Variants in TTN observed in about 807,000 individuals in gnomAD.
The protein encoded by TTN is connectin.
TTN carries 1,525 observed loss-of-function variants against 3,223.0 expected under a neutral mutation model. That is an observed-to-expected ratio of 0.47 (90% confidence interval 0.45 to 0.49). TTN has a LOEUF of 0.49. Among genes scored for constraint, TTN ranks in the 20% least tolerant of loss-of-function variants. The pLI, the probability that TTN is intolerant of heterozygous loss-of-function variation, is 0.00. For missense variants in TTN, 40,786 were observed against 43,424.0 expected, an observed-to-expected ratio of 0.94 and a Z score of 5.40; for synonymous variants, 14,094 against 15,161.0, an observed-to-expected ratio of 0.93 and a Z score of 5.17.
At chr2:178,582,768 G>A (rs377477259) in intron 313 of TTN, 172 bp downstream of exon 313, 2 of 913,950 alleles carry the variant, frequency 2.2e-6, no homozygotes, top group East Asian at 2.9e-5. Flanking sequence ...TGAAATATGT[G>A]ATTTCTAAAG....
chr2:178,688,716 A>G lies in TTN; in HGVS notation c.32158T>C (p.Phe10720Leu). 2 of 1,613,910 alleles carry G rather than the reference A, an allele frequency of 1.2e-6. No homozygotes were observed. Among genetic ancestry groups the G allele is most frequent in the Non-Finnish European group, 1.7e-6 (2 of 1,179,784 alleles). ...KRFVAEEKLS[F>L]AVPQRVEVTR... is the part of the protein sequence containing the mutation. ...ACTTCCACTCTTTGAGGAACTGCGA[A>G]GGATAGTTTTTCTTCAGCAACAAAT... Residue 10720 changes from phenylalanine to leucine, a missense_variant, in exon 126 of 363, where the codon TTC (phenylalanine) becomes CTC (leucine). By Grantham distance (22) the Phe-to-Leu change is conservative (BLOSUM62 0). Transcript: ENST00000589042.
In TTN at chr2:178,595,781, G is replaced by A. The variant is rs1214033745; in HGVS notation, c.57573C>T (p.Phe19191=). 1 of 1,606,774 alleles carries A rather than the reference G, an allele frequency of 6.2e-7. No homozygotes were observed. Among genetic ancestry groups the A allele is most frequent in the East Asian group, 2.3e-5 (1 of 44,418 alleles). ...LDVPGPVGTP[F]LAHNLTNESC... ...ACTCATTGGTTAGGTTGTGAGCTAG[G>A]AATGGTGTTCCAACGGGACCTGGAA... The change falls in exon 295 of 363, where the codon TTC becomes TTT. Residue 19191 remains phenylalanine, a synonymous_variant. Coordinates refer to ENST00000589042, the MANE Select transcript of TTN (RefSeq NM_001267550.2).
At chr2:178,694,746 G>C in intron 116 of TTN, 70 bp from the exon 117 acceptor site, 1 of 1,489,052 alleles carries the variant, frequency 6.7e-7, no homozygotes, top group Non-Finnish European at 9.1e-7. Context: ...AAAAGTATTT[G>C]ATTATATAAA....
Position 178,578,640 on chromosome 2 carries a change from G to C in TTN, c.68300C>G (p.Pro22767Arg). The C allele has an allele frequency of 6.2e-7, 1 of 1,611,890 alleles. No individual in the cohort carries two copies. The highest frequency in any genetic ancestry group is 8.5e-7 in the Non-Finnish European group (1 of 1,178,986). ...HDSVSLTWTD[P>R]KKTGGSPITG... ...AATTGGAGAACCACCAGTTTTCTTG[G>C]GGTCAGTCCAAGTTAGAGATACTGA... is the stretch of plus-strand genomic sequence containing the variant. Residue 22767 changes from proline (P) to arginine (R), a missense_variant, in exon 321 of 363, where the codon CCC (proline) becomes CGC (arginine). Coordinates refer to ENST00000589042, the MANE Select transcript of TTN (RefSeq NM_001267550.2).
chr2:178,673,876 A>C (rs1049119299), intron 151 of TTN, among the ~76,000 whole-genome samples, 166 bp from the exon 152 acceptor site: 1 of 151,818 alleles, frequency 6.6e-6, no homozygotes, highest in Non-Finnish European at 1.5e-5. Context: ...GGTGTAAAGG[A>C]TATTACTTAG....
chr2:178,653,052 G>A lies in TTN; in HGVS notation c.38864C>T (p.Pro12955Leu). 1 of 1,613,296 alleles carries A rather than the reference G, an allele frequency of 6.2e-7. No homozygotes were observed. The highest frequency in any genetic ancestry group is 1.3e-5 in the African/African-American group (1 of 74,968). The change falls in exon 199 of 363, where the codon CCA becomes CTA. Residue 12955 changes from proline to leucine, a missense_variant. Transcript: ENST00000589042. ...CCAGTGACAAATACCTTTAACAGGTGGGACTTCAGGTTTTTTAGGAGGAGT... is the reference window on the plus strand; with the variant it reads ...CCAGTGACAAATACCTTTAACAGGTAGGACTTCAGGTTTTTTAGGAGGAGT... Reference protein sequence around the residue: ...PVTPPKKPEVPPVKVPEAPIE... With the variant: ...PVTPPKKPEVLPVKVPEAPIE...
intron 223 of TTN, among the ~76,000 whole-genome samples, chr2:178,638,377 AATAAT>A (rs1434004690): frequency 2.6e-5 from 4 of 151,190 alleles, no homozygotes; most frequent in East Asian, 1.9e-4. Flanking sequence ...AATAATCTAA[AATAAT>A]ATAATTTTTC....
At position 178,712,000 on chromosome 2, in the gene TTN, C is replaced by G; in HGVS notation, c.27830G>C (p.Cys9277Ser). Reference sequence around the variant, plus strand: ...TTCTCCCACGCTGTTTTCAGCTTTGCAGATATATTCTCCACTATCATTAAT... The same window carrying G: ...TTCTCCCACGCTGTTTTCAGCTTTGGAGATATATTCTCCACTATCATTAAT... ...VDINDSGEYI[C>S]KAENSVGEVS... Residue 9277 changes from cysteine to serine, a missense_variant, in exon 96 of 363, where the codon TGC (cysteine) becomes TCC (serine). Cys to Ser is a moderately radical substitution (Grantham distance 112). Transcript: ENST00000589042. 6 of 1,612,784 alleles carry G rather than the reference C, an allele frequency of 3.7e-6. No homozygotes were observed. Among genetic ancestry groups the G allele is most frequent in the Non-Finnish European group, 5.1e-6 (6 of 1,179,128 alleles).
At chr2:178,743,598 A>C (rs1198030972) in intron 47 of TTN, among the ~76,000 whole-genome samples, 1 of 151,928 alleles carries the variant, frequency 6.6e-6, no homozygotes, top group Non-Finnish European at 1.5e-5. Context: ...GTAGGACATA[A>C]AAACATTTTT....
Position 178,617,484 on chromosome 2 carries a change from A to G in TTN, c.47601T>C (p.Thr15867=). The change falls in exon 254 of 363, where the codon ACT becomes ACC. Residue 15867 remains threonine (T), a synonymous_variant. Coordinates refer to ENST00000589042, the MANE Select transcript of TTN (RefSeq NM_001267550.2). ...IERPSPPVNL[T]SSDQTQSSVQ... ...CTGATGACTGAGTCTGATCTGAGGA[A>G]GTTAGGTTTACAGGAGGACTTGGTC... 6.3e-7 allele frequency: 1 copy of G among 1,593,044 alleles called. No individual in the cohort carries two copies. The highest frequency in any genetic ancestry group is 1.2e-5 in the South Asian group (1 of 85,714).
Position 178,618,862 on chromosome 2 carries a change from A to G in TTN, c.46697-9T>C. 6.2e-7 allele frequency: 1 copy of G among 1,607,782 alleles called. No homozygotes were observed. Among genetic ancestry groups the G allele is most frequent in the Non-Finnish European group, 8.5e-7 (1 of 1,178,024 alleles). ...CTTGATTTTTGGTGCAGCTAGTGAG[A>G]AAGATAACATGTGAACGCTTTCGAC... On this transcript the variant is annotated splice_polypyrimidine_tract_variant and intron_variant, in intron 250 of 362. Coordinates refer to ENST00000589042, the MANE Select transcript of TTN (RefSeq NM_001267550.2).
At chr2:178,729,619 A>G in intron 63 of TTN, 45 bp downstream of exon 63, 2 of 1,613,252 alleles carry the variant, frequency 1.2e-6, no homozygotes, top group Non-Finnish European at 1.7e-6. Context: ...CCCCAAACTT[A>G]TCAGGCAGCA....
rs746722623 is a variant in TTN at position 178,689,838 on chromosome 2, C to A, written c.31821G>T (p.Lys10607Asn). ...CTTTAGCTGGGGGAGCTTCCTTTTTCTTTGCAACAGGAACGGGAATCTTTT... is the reference window on the plus strand; with the variant it reads ...CTTTAGCTGGGGGAGCTTCCTTTTTATTTGCAACAGGAACGGGAATCTTTT... ...PEEKIPVPVA[K>N]KKEAPPAKVP... The change falls in exon 122 of 363, where the codon AAG (lysine) becomes AAT (asparagine). Residue 10607 changes from lysine (K) to asparagine (N), a missense_variant. Physicochemically the swap from Lys to Asn is moderately conservative, Grantham distance 94. Coordinates refer to ENST00000589042, the MANE Select transcript of TTN (RefSeq NM_001267550.2). 7.4e-6 allele frequency: 12 copies of A among 1,611,690 alleles called. No homozygotes were observed. The African/African-American group carries it at 1.2e-4, about 16-fold the overall frequency.
rs747789907 is a variant in TTN, at chr2:178,594,676, GAA to G, written c.57848-32_57848-31del. 5 of 1,522,982 alleles carry G rather than the reference GAA, an allele frequency of 3.3e-6. No homozygotes were observed. The African/African-American group carries it at 7.0e-5, about 21-fold the overall frequency. The allele number at this position is 1,522,982 out of a possible 1,614,324, so 94.3% of individuals were successfully genotyped here. A position where few individuals can be genotyped will look rare whatever the true frequency, so the allele number is the denominator to read the frequency against. On this transcript the variant is annotated intron_variant, in intron 295 of 362. Coordinates refer to ENST00000589042, the MANE Select transcript of TTN (RefSeq NM_001267550.2). ...GAATATAAGTATAGGAATTGTGGTA[GAA>G]AAAAATGTCACATTAAGAATGTAGT...
chr2:178,619,547 T>A, intron 250 of TTN, 74 bp downstream of exon 250: 1 of 1,557,088 alleles, frequency 6.4e-7, no homozygotes, highest in Non-Finnish European at 8.7e-7. Context: ...AAGGATTACC[T>A]CATTAAATAA....
rs1007228767 is a variant in TTN at position 178,583,982 on chromosome 2, C to G, written c.65276-76G>C. The stretch of plus-strand genomic sequence containing the variant: ...AACTTCCATATTTCACATTATCATC[C>G]CTGCTGCTAAGTAACAAGCTCAACA... On this transcript the variant is annotated intron_variant, in intron 311 of 362. Coordinates refer to ENST00000589042, the MANE Select transcript of TTN (RefSeq NM_001267550.2). The G allele has an allele frequency of 1.6e-5, 22 of 1,382,372 alleles. No homozygotes were observed. The African/African-American group carries it at 2.5e-4, about 16-fold the overall frequency. 85.6% of individuals were successfully genotyped at this position (1,382,372 alleles called of 1,614,324 possible).
rs1267455637 is a variant in TTN, at chr2:178,554,196, T to C, written c.88915A>G (p.Ile29639Val). The C allele has an allele frequency of 1.2e-6, 2 of 1,602,434 alleles. No individual in the cohort carries two copies. The highest frequency in any genetic ancestry group is 1.3e-5 in the African/African-American group (1 of 74,318). ...TTGGTAATCTTTGTCACTTCTGGTA[T>C]GCCTGGTGGCCCAGGTGTAACTATT... The part of the protein sequence containing the change: ...NAFVTPGPPG[I>V]PEVTKITKNS... Residue 29639 changes from isoleucine to valine, a missense_variant, in exon 333 of 363, where the codon ATA becomes GTA. Transcript: ENST00000589042.
chr2:178,593,623 C>G lies in TTN; in HGVS notation c.58677G>C (p.Leu19559=). 1 of 1,612,924 alleles carries G rather than the reference C, an allele frequency of 6.2e-7. No individual in the cohort carries two copies. Among genetic ancestry groups the G allele is most frequent in the Non-Finnish European group, 8.5e-7 (1 of 1,179,508 alleles). The change falls in exon 298 of 363, where the codon CTG becomes CTC. Residue 19559 remains leucine (L), a synonymous_variant. Coordinates refer to ENST00000589042, the MANE Select transcript of TTN (RefSeq NM_001267550.2). Reference sequence around the variant, plus strand: ...ACACCAGAGGATCACTTATTCCATACAGATTTTCAGCATGTATCCGGAAAA... The same window carrying G: ...ACACCAGAGGATCACTTATTCCATAGAGATTTTCAGCATGTATCCGGAAAA... The part of the protein sequence containing the change: ...DYIFRIHAEN[L]YGISDPLVSD...
In TTN at chr2:178,554,639, T is replaced by G. The variant is rs139506970; in HGVS notation, c.88708A>C (p.Ile29570Leu). ...CGGCTTGTCTCACGCTTTTCCACAA[T>G]GTAGTGAGTGATTTTTGCACCACCA... ...DDGGAKITHY[I>L]VEKRETSRVV... The change falls in exon 332 of 363, where the codon ATT becomes CTT. Residue 29570 changes from isoleucine (I) to leucine (L), a missense_variant. Coordinates refer to ENST00000589042, the MANE Select transcript of TTN (RefSeq NM_001267550.2). 1.9e-6 allele frequency: 3 copies of G among 1,613,742 alleles called. No individual in the cohort carries two copies. The Admixed American group carries it at 5.0e-5, about 27-fold the overall frequency.
Sources: gnomAD v4.1 joint callset for allele counts (sites outside exome capture counted in the v4.1 genomes callset) on GRCh38, gnomAD v4.1.1 for gene constraint, MANE v1.5 for transcripts, NCBI Gene and HGNC (gene_info 2026-07-23, HGNC 2026-07-21) for gene names.